GLP1R: variants seen among roughly 807,000 people sequenced by gnomAD.
The protein encoded by GLP1R is glucagon like peptide 1 receptor, also known as glucagon-like peptide 1 receptor.
Under a neutral mutation model 68.4 loss-of-function variants are expected in GLP1R, and 32 were observed. The ratio of observed to expected loss-of-function variants is 0.47; its 90% CI spans 0.35 to 0.63. GLP1R has a LOEUF of 0.63. Ranked by LOEUF, GLP1R falls within the 20% of genes least tolerant of loss-of-function variation. The pLI, the probability that GLP1R is intolerant of heterozygous loss-of-function variation, is 0.00. For missense variants in GLP1R, 502 were observed against 594.9 expected, an observed-to-expected ratio of 0.84 and a Z score of 1.62; for synonymous variants, 263 against 244.4, an observed-to-expected ratio of 1.08 and a Z score of -0.71.
At position 39,088,337 on chromosome 6, in the gene GLP1R, C is replaced by G. The variant is rs928999417; in HGVS notation, c.*2264C>G. 6.6e-6 allele frequency among the ~76,000 whole-genome samples: 1 copy of G among 152,044 alleles called. No individual in the cohort carries two copies. Among genetic ancestry groups the G allele is most frequent in the Non-Finnish European group, 1.5e-5 (1 of 68,034 alleles). Reference sequence around the variant, plus strand: ...TAATAGTCATTCAAATGGCACTGCACTCTTTCCAAGCTTTCCTAAGCTAAA... The same window carrying G: ...TAATAGTCATTCAAATGGCACTGCAGTCTTTCCAAGCTTTCCTAAGCTAAA... On this transcript the variant is annotated 3_prime_UTR_variant, in exon 13 of 13. Coordinates refer to ENST00000373256, the MANE Select transcript of GLP1R (RefSeq NM_002062.5).
intron 12 of GLP1R, among the ~76,000 whole-genome samples, chr6:39,082,482 T>C (rs781685023): frequency 1.3e-5 from 2 of 152,154 alleles, no homozygotes; most frequent in Non-Finnish European, 2.9e-5. Context: ...TAAATGGGAT[T>C]CTGGCTGCTC....
intron 1 of GLP1R, among the ~76,000 whole-genome samples, chr6:39,054,882 C>T (rs1241421628): frequency 6.6e-6 from 1 of 152,226 alleles, no homozygotes; most frequent in African/African-American, 2.4e-5. Context: ...CCAGGACTTG[C>T]TCTGATGAAA....
chr6:39,057,293 AGTG>A (rs1768237281), intron 2 of GLP1R, among the ~76,000 whole-genome samples, 176 bp from the exon 3 acceptor site: 1 of 152,224 alleles, frequency 6.6e-6, no homozygotes, highest in Non-Finnish European at 1.5e-5. Context: ...GCCACTGATA[AGTG>A]GCAAGTGCCC....
rs1445548887 is a variant in GLP1R at position 39,090,844 on chromosome 6, G to T, written c.*4771G>T. On this transcript the variant is annotated 3_prime_UTR_variant, in exon 13 of 13. Transcript: ENST00000373256. ...ATATAAAAAGTTGAGTTCTTTGCAG[G>T]GGAGCCAACGGGGGCATTGAGGGAA... Among the ~76,000 whole-genome samples the T allele has an allele frequency of 1.3e-5, 2 of 152,156 alleles. No individual in the cohort carries two copies. The highest frequency in any genetic ancestry group is 4.8e-5 in the African/African-American group (2 of 41,426).
chr6:39,062,591 C>T (rs557572019), intron 3 of GLP1R, among the ~76,000 whole-genome samples: 4 of 152,276 alleles, frequency 2.6e-5, no homozygotes, highest in Admixed American at 6.5e-5. Context: ...GTGCAGCGGC[C>T]GGGGGTCCAC....
intron 3 of GLP1R, among the ~76,000 whole-genome samples, chr6:39,058,578 A>C (rs1018660243): frequency 3.9e-5 from 6 of 152,290 alleles, no homozygotes; most frequent in South Asian, 2.1e-4. Flanking sequence ...GGAGGATAAC[A>C]GGAGACAAGC....
chr6:39,088,787 C>T lies in GLP1R; in HGVS notation c.*2714C>T, dbSNP rs999261670. ...GCGTGCCTCATGCTGTAGACCACAT[C>T]GTTGGAGCTCTGGGAGAGCTCTGAG... On this transcript the variant is annotated 3_prime_UTR_variant, in exon 13 of 13. Coordinates refer to ENST00000373256, the MANE Select transcript of GLP1R (RefSeq NM_002062.5). Among the ~76,000 whole-genome samples, 3 of 152,138 alleles carry T rather than the reference C, an allele frequency of 2.0e-5. No individual in the cohort carries two copies. Among genetic ancestry groups the T allele is most frequent in the African/African-American group, 7.2e-5 (3 of 41,426 alleles).
intron 7 of GLP1R, among the ~76,000 whole-genome samples, chr6:39,077,999 C>T (rs1310875658): frequency 6.6e-6 from 1 of 152,072 alleles, no homozygotes; most frequent in African/African-American, 2.4e-5. Context: ...TGGCCCAGTC[C>T]CGCTGCTGTT....
rs1562009540 is a variant in GLP1R, at chr6:39,066,266, G to A, written c.472G>A (p.Ala158Thr). The A allele has an allele frequency of 6.2e-7, 1 of 1,612,934 alleles. No homozygotes were observed. The highest frequency in any genetic ancestry group is 8.5e-7 in the Non-Finnish European group (1 of 1,178,974). The change falls in exon 5 of 13, where the codon GCT becomes ACT. Residue 158 changes from alanine (A) to threonine (T), a missense_variant. Transcript: ENST00000373256. Reference sequence around the variant, plus strand: ...GGTGGGCTACGCACTCTCCTTCTCTGCTCTGGTTATCGCCTCTGCGATCCT... The same window carrying A: ...GGTGGGCTACGCACTCTCCTTCTCTACTCTGGTTATCGCCTCTGCGATCCT... Reference protein sequence around the residue: ...YTVGYALSFSALVIASAILLG... With the variant: ...YTVGYALSFSTLVIASAILLG...
intron 7 of GLP1R, among the ~76,000 whole-genome samples, chr6:39,077,280 A>G (rs1350667898): frequency 1.3e-5 from 2 of 152,154 alleles, no homozygotes; most frequent in African/African-American, 2.4e-5. Flanking sequence ...ACCTCCTTCT[A>G]GGATCAGGGC....
At chr6:39,078,479 A>T (rs1768895675) in intron 8 of GLP1R, 97 bp downstream of exon 8, 1 of 854,966 alleles carries the variant, frequency 1.2e-6, no homozygotes, top group Non-Finnish European at 2.0e-6. Context: ...TGTTGAGAGG[A>T]TAAAGGGGGG....
In GLP1R at chr6:39,086,937, T is replaced by C. The variant is rs199707558; in HGVS notation, c.*864T>C. The C allele has an allele frequency of 6.6e-6, 1 of 151,336 alleles. No individual in the cohort carries two copies. The highest frequency in any genetic ancestry group is 1.5e-5 in the Non-Finnish European group (1 of 67,604). The allele number at this position is 151,336 out of a possible 1,614,324, so 9.4% of individuals were successfully genotyped here. On this transcript the variant is annotated 3_prime_UTR_variant, in exon 13 of 13. Coordinates refer to ENST00000373256, the MANE Select transcript of GLP1R (RefSeq NM_002062.5). This position sits in a 1 kb window ranked among gnomAD's most constrained non-coding sequence, Gnocchi z 4.5. ...GAATGTCCAGACTGTGGGTGTAGAT[T>C]ACCTGCCACTTCCAGGAGCCCAGAG...
Position 39,073,712 on chromosome 6 carries a change from G to T in GLP1R, c.766G>T (p.Ala256Ser). Residue 256 changes from alanine (A) to serine (S), a missense_variant, in exon 7 of 13, where the codon GCC becomes TCC. Ala to Ser is a moderately conservative substitution (Grantham distance 99). Coordinates refer to ENST00000373256, the MANE Select transcript of GLP1R (RefSeq NM_002062.5). ...VEGVYLYTLL[A>S]FSVLSEQWIF... ...GGGCGTGTACCTGTACACACTGCTG[G>T]CCTTCTCGGTCTTATCTGAGCAATG... 6.2e-7 allele frequency: 1 copy of T among 1,613,990 alleles called. No individual in the cohort carries two copies. The highest frequency in any genetic ancestry group is 8.5e-7 in the Non-Finnish European group (1 of 1,179,884).
intron 7 of GLP1R, chr6:39,074,499 C>T (rs2150833133): frequency 6.6e-6 from 1 of 152,268 alleles, no homozygotes; most frequent in African/African-American, 2.4e-5. Context: ...CTGGAGGGAC[C>T]CACGGTACCC....
At chr6:39,068,356 T>C (rs1768572223) in intron 5 of GLP1R, among the ~76,000 whole-genome samples, 1 of 152,162 alleles carries the variant, frequency 6.6e-6, no homozygotes. Context: ...AGGCTGGAGT[T>C]GTGTGCTGGT....
Position 39,086,118 on chromosome 6 carries a change from T to C in GLP1R, c.*45T>C, listed in dbSNP as rs761991217. 1 of 1,574,646 alleles carries C rather than the reference T, an allele frequency of 6.4e-7. No homozygotes were observed. Among genetic ancestry groups the C allele is most frequent in the Non-Finnish European group, 8.7e-7 (1 of 1,151,408 alleles). On this transcript the variant is annotated 3_prime_UTR_variant, in exon 13 of 13. Transcript: ENST00000373256. The surrounding 1 kb of genome is among the most constrained non-coding windows in gnomAD (Gnocchi z 4.5). ...CCTGGGGTCCTTGCTGCAGGCCGGGTGGCCAATCCAGGTGGGAGAGACACT... is the reference window on the plus strand; with the variant it reads ...CCTGGGGTCCTTGCTGCAGGCCGGGCGGCCAATCCAGGTGGGAGAGACACT...
rs1447778026 is a variant in GLP1R at position 39,088,982 on chromosome 6, A to T, written c.*2909A>T. Among the ~76,000 whole-genome samples the T allele has an allele frequency of 6.6e-6, 1 of 152,220 alleles. No homozygotes were observed. The highest frequency in any genetic ancestry group is 1.5e-5 in the Non-Finnish European group (1 of 68,044). ...TGAGGCCTCTGGGAAGGATAGGTGA[A>T]AACTATAAATAGCTGTTCAAGATAC... On this transcript the variant is annotated 3_prime_UTR_variant, in exon 13 of 13. Transcript: ENST00000373256.
intron 2 of GLP1R, 141 bp downstream of exon 2, chr6:39,056,634 C>G: frequency 3.6e-6 from 2 of 548,576 alleles, no homozygotes; most frequent in South Asian, 5.2e-5. Flanking sequence ...ATCTCATTGT[C>G]CAAGCTACTC....
Position 39,088,513 on chromosome 6 carries a change from G to A in GLP1R, c.*2440G>A, listed in dbSNP as rs977787782. Among the ~76,000 whole-genome samples the A allele has an allele frequency of 6.6e-6, 1 of 152,168 alleles. No homozygotes were observed. The highest frequency in any genetic ancestry group is 1.5e-5 in the Non-Finnish European group (1 of 68,042). On this transcript the variant is annotated 3_prime_UTR_variant, in exon 13 of 13. Coordinates refer to ENST00000373256, the MANE Select transcript of GLP1R (RefSeq NM_002062.5). The stretch of plus-strand genomic sequence containing the variant: ...CTGGGGTACTATTGCTGACCAGCAG[G>A]GTGTAGGCGCTGCTTTTGTTTGAGC...
Sources: gnomAD v4.1 joint callset for allele counts (sites outside exome capture counted in the v4.1 genomes callset) on GRCh38, gnomAD v4.1.1 for gene constraint, Gnocchi (gnomAD v3.1) non-coding constraint, MANE v1.5 for transcripts, NCBI Gene and HGNC (gene_info 2026-07-23, HGNC 2026-07-21) for gene names.